STX17: variants seen among roughly 807,000 people sequenced by gnomAD.
STX17 encodes syntaxin-17.
Under a neutral mutation model 35.9 loss-of-function variants are expected in STX17, and 29 were observed. The observed-to-expected ratio is 0.81, with a 90% CI of 0.60 to 1.10. The LOEUF is 1.10. Ranked by LOEUF, STX17 falls within the 50% of genes least tolerant of loss-of-function variation. STX17 has a pLI of 0.00. For missense variants in STX17, 312 were observed against 352.3 expected (o/e 0.89, Z 0.92); for synonymous variants, 92 against 118.3 (o/e 0.78, Z 1.44).
At chr9:99,922,699 GTGGGCAAGA>G (rs1297126769) in intron 2 of STX17, among the ~76,000 whole-genome samples, 2 of 152,244 alleles carry the variant, frequency 1.3e-5, no homozygotes, top group Non-Finnish European at 2.9e-5. Flanking sequence ...GCAGCAAGGG[GTGGGCAAGA>G]TGGAATCACT....
intron 3 of STX17, among the ~76,000 whole-genome samples, chr9:99,950,197 A>G (rs1040248754): frequency 6.6e-6 from 1 of 151,946 alleles, no homozygotes; most frequent in Non-Finnish European, 1.5e-5. Flanking sequence ...TAACAACTTC[A>G]TTCATAGGGA....
chr9:99,950,082 C>T (rs973630172), intron 3 of STX17, among the ~76,000 whole-genome samples: 1 of 151,838 alleles, frequency 6.6e-6, no homozygotes, highest in African/African-American at 2.4e-5. Context: ...TGACTCTACA[C>T]TACAAAATCT....
At chr9:99,913,238 A>G (rs1220420445) in intron 1 of STX17, among the ~76,000 whole-genome samples, 2 of 152,002 alleles carry the variant, frequency 1.3e-5, no homozygotes, top group Non-Finnish European at 2.9e-5. Flanking sequence ...TTACATTTTA[A>G]TTATCAGTAT....
chr9:99,924,753 T>A (rs771590894), intron 2 of STX17, among the ~76,000 whole-genome samples: 3 of 150,876 alleles, frequency 2.0e-5, no homozygotes, highest in Non-Finnish European at 4.4e-5. Context: ...CCTCTCTCCC[T>A]TCTTTCATCC....
At chr9:99,910,235 A>G (rs966461394) in intron 1 of STX17, among the ~76,000 whole-genome samples, 10 of 152,106 alleles carry the variant, frequency 6.6e-5, no homozygotes, top group Non-Finnish European at 1.0e-4. Context: ...TCCGTCTCAA[A>G]ACAAAAAAAA....
intron 6 of STX17, among the ~76,000 whole-genome samples, chr9:99,962,308 G>A (rs562916248): frequency 3.9e-5 from 6 of 152,160 alleles, no homozygotes; most frequent in South Asian, 4.1e-4. Context: ...TAATATACTC[G>A]CAAACAGAAG....
chr9:99,961,630 T>A (rs893715576), intron 6 of STX17, among the ~76,000 whole-genome samples: 3 of 152,114 alleles, frequency 2.0e-5, no homozygotes, highest in African/African-American at 7.2e-5. Context: ...CATACCTGTT[T>A]CTGCTTGCAG....
intron 3 of STX17, among the ~76,000 whole-genome samples, chr9:99,939,167 G>T (rs972104756): frequency 6.6e-6 from 1 of 152,108 alleles, no homozygotes; most frequent in African/African-American, 2.4e-5. Flanking sequence ...AGAAAAGAGA[G>T]GGAATGAGGA....
intron 1 of STX17, among the ~76,000 whole-genome samples, chr9:99,911,893 A>G (rs1278780337): frequency 6.6e-6 from 1 of 152,176 alleles, no homozygotes; most frequent in Non-Finnish European, 1.5e-5. Flanking sequence ...GTTTTTCATA[A>G]TGGCTGTACT....
chr9:99,922,921 T>C (rs1190784824), intron 2 of STX17, among the ~76,000 whole-genome samples: 1 of 152,192 alleles, frequency 6.6e-6, no homozygotes, highest in Non-Finnish European at 1.5e-5. Flanking sequence ...CACTGATGAA[T>C]AAACTCATCT....
intron 3 of STX17, among the ~76,000 whole-genome samples, chr9:99,930,162 T>C (rs539181113): frequency 2.6e-5 from 4 of 152,178 alleles, no homozygotes; most frequent in African/African-American, 9.6e-5. Context: ...CCGCCTGCCT[T>C]GGCCTCCCAT....
At chr9:99,939,510 C>T (rs1175679347) in intron 3 of STX17, among the ~76,000 whole-genome samples, 2 of 152,168 alleles carry the variant, frequency 1.3e-5, no homozygotes, top group Non-Finnish European at 1.5e-5. Flanking sequence ...TGCCAGTTAA[C>T]TATGCACAAT....
In STX17 at chr9:99,974,263, T is replaced by C. The variant is rs1237573057; in HGVS notation, c.*5590T>C. Among the ~76,000 whole-genome samples, 1 of 152,216 alleles carries C rather than the reference T, an allele frequency of 6.6e-6. No homozygotes were observed. Reference sequence around the variant, plus strand: ...GAGAAAGACATTCAATGGTACATGTTTTCTGTACACTTCATGAGTAGTTGA... The same window carrying C: ...GAGAAAGACATTCAATGGTACATGTCTTCTGTACACTTCATGAGTAGTTGA... On this transcript the variant is annotated 3_prime_UTR_variant, in exon 8 of 8. Transcript: ENST00000259400.
At chr9:99,939,739 A>G (rs1453621253) in intron 3 of STX17, among the ~76,000 whole-genome samples, 1 of 152,058 alleles carries the variant, frequency 6.6e-6, no homozygotes, top group African/African-American at 2.4e-5. Flanking sequence ...GCCTACCTAG[A>G]TCCTTACTAT....
intron 2 of STX17, among the ~76,000 whole-genome samples, chr9:99,923,117 C>T (rs540451430): frequency 1.1e-3 from 167 of 151,870 alleles, no homozygotes; most frequent in Non-Finnish European, 2.0e-3. Context: ...TTCCTTTCCT[C>T]TCTTTTTTTT....
At chr9:99,964,495 T>G (rs889690048) in intron 6 of STX17, among the ~76,000 whole-genome samples, 1 of 152,184 alleles carries the variant, frequency 6.6e-6, no homozygotes, top group African/African-American at 2.4e-5. Flanking sequence ...AAATATGGTT[T>G]AGCTCATTGT....
chr9:99,922,259 G>C (rs765487588), intron 2 of STX17, among the ~76,000 whole-genome samples: 1 of 152,176 alleles, frequency 6.6e-6, no homozygotes, highest in Non-Finnish European at 1.5e-5. Context: ...AAGGGGACAG[G>C]AGTCAGTCTG....
rs1190908449 is a variant in STX17, at chr9:99,959,844, G to A, written c.416-73G>A. 6.2e-6 allele frequency: 7 copies of A among 1,129,614 alleles called. No individual in the cohort carries two copies. The African/African-American group carries it at 7.9e-5, about 13-fold the overall frequency. 70.0% of individuals were successfully genotyped at this position (1,129,614 alleles called of 1,614,324 possible). On this transcript the variant is annotated intron_variant, in intron 4 of 7. Transcript: ENST00000259400. ...CCATTTAACGTGGCATTTGTTTTATGAAATCAATTTATGCTGTCTCTTTTC... is the reference window on the plus strand; with the variant it reads ...CCATTTAACGTGGCATTTGTTTTATAAAATCAATTTATGCTGTCTCTTTTC...
At position 99,937,754 on chromosome 9, in the gene STX17, T is replaced by C. The variant is rs182623312; in HGVS notation, c.189+8911T>C. 3.7e-3 allele frequency among the ~76,000 whole-genome samples: 570 copies of C among 152,316 alleles called. 3 individuals carry two copies. The highest frequency in any genetic ancestry group is 0.01 in the Middle Eastern group (3 of 294). Reference sequence around the variant, plus strand: ...TGATTATTTTCTTCATTATGGGTGATGTTTTCTTGTTTCTTTGTGTCTAGT... The same window carrying C: ...TGATTATTTTCTTCATTATGGGTGACGTTTTCTTGTTTCTTTGTGTCTAGT... On this transcript the variant is annotated intron_variant, in intron 3 of 7. Coordinates refer to ENST00000259400, the MANE Select transcript of STX17 (RefSeq NM_017919.3).
Sources: allele counts gnomAD v4.1 joint callset (sites outside exome capture counted in the v4.1 genomes callset), GRCh38; gene constraint gnomAD v4.1.1; transcripts MANE v1.5; gene names NCBI Gene and HGNC (gene_info 2026-07-23, HGNC 2026-07-21).